Variants in PRKG1 observed in about 807,000 individuals in gnomAD.
PRKG1 encodes the protein protein kinase cGMP-dependent 1, also known as cGMP-dependent protein kinase 1.
A neutral mutation model predicts 88.1 loss-of-function variants in PRKG1; 35 were observed. That is an observed-to-expected ratio of 0.40 (90% confidence interval 0.30 to 0.53). The LOEUF is 0.53. PRKG1 is among the 20% of genes least tolerant of loss of function. The probability of loss-of-function intolerance (pLI) is 0.59; values close to 1 mark genes in which losing one functional copy is unlikely to be tolerated. For synonymous variants in PRKG1, 303 were observed against 292.5 expected, an observed-to-expected ratio of 1.04 and a Z score of -0.37; for missense variants, 540 against 839.8, an observed-to-expected ratio of 0.64 and a Z score of 4.41.
Position 51,538,674 on chromosome 10 carries a change from A to C in PRKG1, c.592+70838A>C, listed in dbSNP as rs547480103. ...CATTTGGAAACCCTAACAATGAAAA[A>C]AAAAAAAACAAATCCCTTTAATAGT... is the stretch of plus-strand genomic sequence containing the variant. On this transcript the variant is annotated intron_variant, in intron 3 of 17. Coordinates refer to ENST00000373980, the MANE Select transcript of PRKG1 (RefSeq NM_006258.4). 7.3e-4 allele frequency among the ~76,000 whole-genome samples: 111 copies of C among 151,434 alleles called. 1 individual carries two copies. Among genetic ancestry groups the C allele is most frequent in the African/African-American group, 2.6e-3 (108 of 41,466 alleles).
chr10:51,097,240 CAG>C (rs1228192084), intron 1 of PRKG1, among the ~76,000 whole-genome samples: 1 of 152,066 alleles, frequency 6.6e-6, no homozygotes, highest in East Asian at 1.9e-4. Flanking sequence ...TTTTTATTGA[CAG>C]AGTCTTACTG....
intron 9 of PRKG1, among the ~76,000 whole-genome samples, chr10:52,185,615 C>T (rs1423726109): frequency 1.3e-5 from 2 of 152,142 alleles, no homozygotes; most frequent in African/African-American, 4.8e-5. Flanking sequence ...TGATATTTAC[C>T]CTCTGTACTG....
intron 3 of PRKG1, among the ~76,000 whole-genome samples, chr10:51,539,419 A>C (rs1842243389): frequency 6.6e-6 from 1 of 152,190 alleles, no homozygotes; most frequent in Non-Finnish European, 1.5e-5. Flanking sequence ...TATATTCTTA[A>C]AACAATGTAC....
At chr10:52,290,983 C>T (rs190103300) in intron 17 of PRKG1, among the ~76,000 whole-genome samples, 2 of 142,234 alleles carry the variant, frequency 1.4e-5, no homozygotes, top group South Asian at 2.2e-4. Flanking sequence ...AATGCAGTGG[C>T]GTGATCTCGG....
intron 2 of PRKG1, among the ~76,000 whole-genome samples, chr10:51,276,544 T>A (rs1466558581): frequency 1.3e-5 from 2 of 152,152 alleles, no homozygotes; most frequent in Non-Finnish European, 2.9e-5. Flanking sequence ...CACCACACTG[T>A]CTTCCACAAT....
chr10:52,017,389 G>A (rs971526395), intron 5 of PRKG1, among the ~76,000 whole-genome samples: 7 of 152,092 alleles, frequency 4.6e-5, no homozygotes, highest in Admixed American at 3.3e-4. Context: ...GATGAGGAGT[G>A]GTTGGATTAG....
At chr10:51,237,375 CA>C (rs949545333) in intron 2 of PRKG1, among the ~76,000 whole-genome samples, 18 of 152,276 alleles carry the variant, frequency 1.2e-4, no homozygotes, top group Admixed American at 1.0e-3. Flanking sequence ...CGGGAACACA[CA>C]GAGATTTGCT....
At chr10:52,232,111 T>G (rs979960773) in intron 9 of PRKG1, among the ~76,000 whole-genome samples, 2 of 152,112 alleles carry the variant, frequency 1.3e-5, no homozygotes, top group Non-Finnish European at 2.9e-5. Context: ...GAGACCAGCC[T>G]GGCCAATATG....
At chr10:51,290,582 A>T (rs533322941) in intron 2 of PRKG1, among the ~76,000 whole-genome samples, 91 of 152,162 alleles carry the variant, frequency 6.0e-4, no homozygotes, top group Non-Finnish European at 1.0e-3. Context: ...ATGCTTCAGG[A>T]TGTGATAGAA....
At chr10:51,459,759 A>T (rs60717365) in intron 2 of PRKG1, among the ~76,000 whole-genome samples, 1 of 152,154 alleles carries the variant, frequency 6.6e-6, no homozygotes, top group African/African-American at 2.4e-5. Flanking sequence ...ACATCAGTAG[A>T]GTGTCTTCAT....
At position 51,348,949 on chromosome 10, in the gene PRKG1, G is replaced by A. The variant is rs145141609; in HGVS notation, c.479-118774G>A. Among the ~76,000 whole-genome samples, 1,182 of 152,170 alleles carry A rather than the reference G, an allele frequency of 7.8e-3. 7 individuals carry two copies. Among genetic ancestry groups the A allele is most frequent in the Non-Finnish European group, 0.012 (821 of 68,016 alleles). On this transcript the variant is annotated intron_variant, in intron 2 of 17. Transcript: ENST00000373980. Reference sequence around the variant, plus strand: ...TACTCATTGGTAGCAGGTGAAATCCGGAGCTAGGAAGATATAAAATAGCTC... The same window carrying A: ...TACTCATTGGTAGCAGGTGAAATCCAGAGCTAGGAAGATATAAAATAGCTC...
intron 7 of PRKG1, among the ~76,000 whole-genome samples, chr10:52,067,046 A>G (rs1846372017): frequency 6.6e-6 from 1 of 152,138 alleles, no homozygotes; most frequent in African/African-American, 2.4e-5. Flanking sequence ...AATATTTTTC[A>G]CAAGAAATTC....
At chr10:51,698,838 G>C (rs749945139) in intron 3 of PRKG1, 1 of 1,614,180 alleles carries the variant, frequency 6.2e-7, no homozygotes, top group Admixed American at 1.7e-5. Context: ...TGCTGAGGCT[G>C]AGGAGCTGGA....
chr10:51,925,999 G>A (rs1447959661), intron 5 of PRKG1, among the ~76,000 whole-genome samples: 1 of 152,070 alleles, frequency 6.6e-6, no homozygotes, highest in Non-Finnish European at 1.5e-5. Flanking sequence ...GGCATGTAGT[G>A]AGCACATATT....
chr10:51,437,696 T>C (rs2132739780), intron 2 of PRKG1, among the ~76,000 whole-genome samples: 1 of 151,800 alleles, frequency 6.6e-6, no homozygotes, highest in Middle Eastern at 3.4e-3. Context: ...GAGTTTTTTT[T>C]CCAAAGTAGT....
At chr10:51,818,436 C>A (rs1368420132) in intron 4 of PRKG1, among the ~76,000 whole-genome samples, 1 of 152,068 alleles carries the variant, frequency 6.6e-6, no homozygotes, top group Non-Finnish European at 1.5e-5. Context: ...TCAAACATGT[C>A]AGAAAAGAGA....
chr10:50,992,065 A>G (rs1190915509), intron 1 of PRKG1, among the ~76,000 whole-genome samples: 1 of 151,752 alleles, frequency 6.6e-6, no homozygotes, highest in Non-Finnish European at 1.5e-5. Flanking sequence ...GACCCCCCGG[A>G]CTCAGGCCAC....
intron 3 of PRKG1, among the ~76,000 whole-genome samples, chr10:51,591,473 A>G (rs1419876987): frequency 1.3e-5 from 2 of 152,214 alleles, no homozygotes; most frequent in South Asian, 2.1e-4. Flanking sequence ...CCTCATAGAT[A>G]TCTATTCAGT....
chr10:51,346,859 G>T (rs1470415599), intron 2 of PRKG1, among the ~76,000 whole-genome samples: 1 of 151,968 alleles, frequency 6.6e-6, no homozygotes, highest in Non-Finnish European at 1.5e-5. Context: ...TTATTTGTGG[G>T]GCTCTCTTAA....
Sources: allele counts gnomAD v4.1 joint callset (sites outside exome capture counted in the v4.1 genomes callset), GRCh38; gene constraint gnomAD v4.1.1; transcripts MANE v1.5; gene names NCBI Gene and HGNC (gene_info 2026-07-23, HGNC 2026-07-21).